The following SLC27A4 variants were observed in gnomAD, a reference collection of about 807,000 sequenced individuals.
SLC27A4 encodes solute carrier family 27 member 4, also known as long-chain fatty acid transport protein 4.
In SLC27A4, 33 loss-of-function variants were observed where a neutral mutation model predicts 64.4. That is an observed-to-expected ratio of 0.51 (90% CI 0.39 to 0.68). The LOEUF (loss-of-function observed/expected upper bound fraction) is 0.68. SLC27A4 is among the 30% of genes least tolerant of loss of function. The pLI is 0.00. For synonymous variants in SLC27A4, 377 were observed against 370.0 expected (o/e 1.02, Z -0.22); for missense variants, 824 against 883.5 (o/e 0.93, Z 0.85).
intron 1 of SLC27A4, 131 bp from the exon 2 acceptor site, chr9:128,342,996 C>T: frequency 8.2e-7 from 1 of 1,218,330 alleles, no homozygotes; most frequent in Non-Finnish European, 1.2e-6. Flanking sequence ...TGGTCAGTCA[C>T]CCAACTCAGT....
At chr9:128,355,268 T>C (rs1832800267) in intron 10 of SLC27A4, 78 bp downstream of exon 10, 49 of 1,599,326 alleles carry the variant, frequency 3.1e-5, no homozygotes, top group Non-Finnish European at 4.2e-5. Context: ...AGAGGACACC[T>C]TCCCAGGACT....
At chr9:128,350,448 A>G in intron 5 of SLC27A4, 36 bp from the exon 6 acceptor site, 1 of 1,612,488 alleles carries the variant, frequency 6.2e-7, no homozygotes, top group Non-Finnish European at 8.5e-7. Context: ...CTGCCTTTCT[A>G]GGGCCCGCTC....
chr9:128,348,522 C>G (rs1474948372), intron 3 of SLC27A4, 23 bp from the exon 4 acceptor site: 1 of 1,612,268 alleles, frequency 6.2e-7, no homozygotes. Flanking sequence ...GGCCTGCCTG[C>G]TGACTGCCCT....
Position 128,345,040 on chromosome 9 carries a change from G to A in SLC27A4, c.162-115G>A, listed in dbSNP as rs1028144884. The A allele has an allele frequency of 8.2e-5, 104 of 1,266,974 alleles. 2 individuals are homozygous for A. In the South Asian group the frequency reaches 1.1e-3, roughly 14 times the overall value. The allele number at this position is 1,266,974 out of a possible 1,614,324, so 78.5% of individuals were successfully genotyped here. ...GCAGGAGCCAGGAGATAGAAGTGTT[G>A]TAGGGGGTCTGGCTCATGAAGCATA... On this transcript the variant is annotated intron_variant, in intron 2 of 12. Transcript: ENST00000300456. This position sits in a 1 kb window ranked among gnomAD's most constrained non-coding sequence, Gnocchi z 4.1.
At chr9:128,355,325 A>G in intron 10 of SLC27A4, 73 bp from the exon 11 acceptor site, 3 of 1,606,572 alleles carry the variant, frequency 1.9e-6, no homozygotes, top group Non-Finnish European at 2.6e-6. Flanking sequence ...GGGCTCCAGC[A>G]AAGCCTCCCT....
Position 128,360,507 on chromosome 9 carries a change from T to C in SLC27A4, c.*16T>C, listed in dbSNP as rs761580698. On this transcript the variant is annotated 3_prime_UTR_variant, in exon 13 of 13. Coordinates refer to ENST00000300456, the MANE Select transcript of SLC27A4 (RefSeq NM_005094.4). ...GAAGCTGTGATTCCCCCCATCCCTCTGAGGGCCGGCGGATGCTGGATCCGG... is the reference window on the plus strand; with the variant it reads ...GAAGCTGTGATTCCCCCCATCCCTCCGAGGGCCGGCGGATGCTGGATCCGG... 32 of 1,612,942 alleles carry C rather than the reference T, an allele frequency of 2.0e-5. No homozygotes were observed. The highest frequency in any genetic ancestry group is 2.6e-5 in the Non-Finnish European group (31 of 1,179,892).
intron 2 of SLC27A4, among the ~76,000 whole-genome samples, chr9:128,344,491 C>A (rs964433649): frequency 2.6e-5 from 4 of 151,886 alleles, no homozygotes; most frequent in African/African-American, 9.7e-5. Flanking sequence ...TGCACTCCAA[C>A]CTGGGTGACA....
intron 12 of SLC27A4, among the ~76,000 whole-genome samples, chr9:128,356,987 G>T (rs1832829323): frequency 6.6e-6 from 1 of 151,900 alleles, no homozygotes; most frequent in African/African-American, 2.4e-5. Context: ...CCAGCTACTT[G>T]GGAGGCTGCA....
intron 12 of SLC27A4, 148 bp from the exon 13 acceptor site, chr9:128,360,186 G>T (rs539886651): frequency 5.5e-6 from 5 of 909,514 alleles, no homozygotes; most frequent in Non-Finnish European, 3.5e-6. Context: ...ACCATTCTTT[G>T]CAAACTGTAA....
chr9:128,359,398 T>G (rs1588568610), intron 12 of SLC27A4, among the ~76,000 whole-genome samples: 1 of 151,092 alleles, frequency 6.6e-6, no homozygotes, highest in East Asian at 2.0e-4. Flanking sequence ...TCGAGGAGGG[T>G]GGATCATCTG....
chr9:128,359,001 G>T (rs1229793600), intron 12 of SLC27A4, among the ~76,000 whole-genome samples: 3 of 152,238 alleles, frequency 2.0e-5, no homozygotes, highest in Non-Finnish European at 4.4e-5. Context: ...AGCCAGTCCA[G>T]ATTGAGGCCA....
At chr9:128,358,935 C>G (rs899745219) in intron 12 of SLC27A4, among the ~76,000 whole-genome samples, 3 of 152,200 alleles carry the variant, frequency 2.0e-5, no homozygotes, top group South Asian at 2.1e-4. Context: ...CTAGACTCAC[C>G]CAGAACTCCT....
rs187433964 is a variant in SLC27A4, at chr9:128,353,164, A to C, written c.1127A>C (p.His376Pro). 2.5e-6 allele frequency: 4 copies of C among 1,614,030 alleles called. No homozygotes were observed. The highest frequency in any genetic ancestry group is 3.4e-6 in the Non-Finnish European group (4 of 1,179,996). ...TGGACCAACTTTTCCAGCCGCTTCCACATACCCCAGGTGGCTGAGTTCTAC... is the reference window on the plus strand; with the variant it reads ...TGGACCAACTTTTCCAGCCGCTTCCCCATACCCCAGGTGGCTGAGTTCTAC... Reference protein sequence around the residue: ...SIWTNFSSRFHIPQVAEFYGA... With the variant: ...SIWTNFSSRFPIPQVAEFYGA... Residue 376 changes from histidine (H) to proline (P), a missense_variant, in exon 8 of 13, where the codon CAC becomes CCC. Physicochemically the swap from His to Pro is moderately conservative, Grantham distance 77. Coordinates refer to ENST00000300456, the MANE Select transcript of SLC27A4 (RefSeq NM_005094.4). The surrounding 1 kb of genome is among the most constrained non-coding windows in gnomAD (Gnocchi z 4.9).
chr9:128,359,486 G>A (rs1832868273), intron 12 of SLC27A4, among the ~76,000 whole-genome samples: 1 of 152,194 alleles, frequency 6.6e-6, no homozygotes. Context: ...TTAGCTGGGC[G>A]TGGTGGTGGG....
At chr9:128,346,704 A>G (rs1564399731) in intron 3 of SLC27A4, among the ~76,000 whole-genome samples, 1 of 151,786 alleles carries the variant, frequency 6.6e-6, no homozygotes, top group East Asian at 1.9e-4. Context: ...CCTGTCTCAA[A>G]AAAAACAAAA....
In SLC27A4 at chr9:128,353,211, A is replaced by T; in HGVS notation, c.1174A>T (p.Ser392Cys). Residue 392 changes from serine to cysteine, a missense_variant, in exon 8 of 13, where the codon AGC becomes TGC. Ser to Cys is a moderately radical substitution (Grantham distance 112). Transcript: ENST00000300456. The surrounding 1 kb of genome is among the most constrained non-coding windows in gnomAD (Gnocchi z 4.9). ...EFYGATECNC[S>C]LGNFDSQVGA... ...CTACGGGGCCACAGAGTGCAACTGT[A>T]GCCTGGGCAACTTCGACAGCCAGGT... is the stretch of plus-strand genomic sequence containing the variant. The T allele has an allele frequency of 6.2e-7, 1 of 1,614,104 alleles. No individual in the cohort carries two copies. Among genetic ancestry groups the T allele is most frequent in the Non-Finnish European group, 8.5e-7 (1 of 1,180,036 alleles).
rs142183053 is a variant in SLC27A4, at chr9:128,345,404, T to C, written c.411T>C (p.Asn137=). 131 of 1,613,698 alleles carry C rather than the reference T, an allele frequency of 8.1e-5. 1 individual carries two copies. The East Asian group carries it at 1.4e-3, about 17-fold the overall frequency. The part of the protein sequence containing the change: ...DVAAIFMENR[N]EFVGLWLGMA... Reference sequence around the variant, plus strand: ...CTGCCATCTTCATGGAGAACCGCAATGAGTTCGTGGGCCTATGGCTGGGCA... The same window carrying C: ...CTGCCATCTTCATGGAGAACCGCAACGAGTTCGTGGGCCTATGGCTGGGCA... Residue 137 remains asparagine (N), a synonymous_variant, in exon 3 of 13, where the codon AAT becomes AAC. Coordinates refer to ENST00000300456, the MANE Select transcript of SLC27A4 (RefSeq NM_005094.4). The surrounding 1 kb of genome is among the most constrained non-coding windows in gnomAD (Gnocchi z 4.1).
rs1832800498 is a variant in SLC27A4, at chr9:128,355,279, C to T, written c.1462+89C>T. The T allele has an allele frequency of 3.1e-6, 5 of 1,588,316 alleles. No homozygotes were observed. In the African/African-American group the frequency reaches 6.7e-5, roughly 21 times the overall value. ...CTCCAGAGGACACCTTCCCAGGACT[C>T]CCCCAGTCCTGGCCCTTGTGGTCAA... On this transcript the variant is annotated intron_variant, in intron 10 of 12. Transcript: ENST00000300456.
chr9:128,342,296 A>T (rs2131248378), intron 1 of SLC27A4: 1 of 1,611,606 alleles, frequency 6.2e-7, no homozygotes, highest in Middle Eastern at 2.2e-4. Context: ...AAGAAGACAG[A>T]GATGCAAGAG....
Sources: gnomAD v4.1 joint callset for allele counts (sites outside exome capture counted in the v4.1 genomes callset) on GRCh38, gnomAD v4.1.1 for gene constraint, Gnocchi (gnomAD v3.1) non-coding constraint, MANE v1.5 for transcripts, NCBI Gene and HGNC (gene_info 2026-07-23, HGNC 2026-07-21) for gene names.